The following XAF1 variants were observed in gnomAD, a reference collection of about 807,000 sequenced individuals.
XAF1 encodes the protein XIAP associated factor 1, also known as XIAP-associated factor 1.
A neutral mutation model predicts 32.3 loss-of-function variants in XAF1; 32 were observed. That is an observed-to-expected ratio of 0.99 (90% CI 0.75 to 1.33). The LOEUF is 1.33. Among genes scored for constraint, XAF1 ranks in the 40% most tolerant of loss-of-function variants. The probability of loss-of-function intolerance (pLI) is 0.00; values close to 1 mark genes in which losing one functional copy is unlikely to be tolerated. For missense variants in XAF1, 379 were observed against 366.0 expected, an observed-to-expected ratio of 1.04 and a Z score of -0.29; for synonymous variants, 120 against 125.9, an observed-to-expected ratio of 0.95 and a Z score of 0.31.
Position 6,770,727 on chromosome 17 carries a change from G to C in XAF1, c.592G>C (p.Ala198Pro). Residue 198 changes from alanine to proline, a missense_variant, in exon 6 of 7, where the codon GCT (alanine) becomes CCT (proline). By Grantham distance (27) the Ala-to-Pro change is conservative (BLOSUM62 -1). Transcript: ENST00000361842. ...EILPSSLPSQ[A>P]AENQTSTMEK... is the part of the protein sequence containing the mutation. Reference sequence around the variant, plus strand: ...TCTTCCTTCATCTCTTCCAAGTCAAGCTGCTGAAAATCAAACTTCCACGAT... The same window carrying C: ...TCTTCCTTCATCTCTTCCAAGTCAACCTGCTGAAAATCAAACTTCCACGAT... 1.2e-6 allele frequency: 2 copies of C among 1,613,872 alleles called. No individual in the cohort carries two copies. The highest frequency in any genetic ancestry group is 8.5e-7 in the Non-Finnish European group (1 of 1,179,980).
intron 4 of XAF1, 114 bp from the exon 5 acceptor site, chr17:6,762,041 G>A (rs1001900476): frequency 1.3e-6 from 2 of 1,566,596 alleles, no homozygotes; most frequent in Non-Finnish European, 1.7e-6. Context: ...AGACCAGGCA[G>A]GTCCGGGGGG....
chr17:6,756,799 C>T (rs551505068), intron 1 of XAF1, among the ~76,000 whole-genome samples: 2 of 152,138 alleles, frequency 1.3e-5, no homozygotes, highest in African/African-American at 2.4e-5. Context: ...CCTGTGTGCC[C>T]GCTGCCTGGG....
intron 5 of XAF1, among the ~76,000 whole-genome samples, chr17:6,768,347 T>C (rs369700376): frequency 2.6e-5 from 4 of 152,286 alleles, no homozygotes; most frequent in South Asian, 2.1e-4. Flanking sequence ...GGTCTTGAAC[T>C]CCTGACCTCA....
chr17:6,765,846 TG>T (rs1975583918), intron 5 of XAF1, among the ~76,000 whole-genome samples: 1 of 152,216 alleles, frequency 6.6e-6, no homozygotes, highest in Non-Finnish European at 1.5e-5. Flanking sequence ...CAAGTCAGAT[TG>T]TTTGGCTCCT....
In XAF1 at chr17:6,773,543, A is replaced by C. The variant is rs1976214661; in HGVS notation, c.*374A>C. Reference sequence around the variant, plus strand: ...CAGTCCTATTCAACATAGTACTGGAAGTCCTCGCCACAGCAATCAGGCAAG... The same window carrying C: ...CAGTCCTATTCAACATAGTACTGGACGTCCTCGCCACAGCAATCAGGCAAG... On this transcript the variant is annotated 3_prime_UTR_variant, in exon 7 of 7. Coordinates refer to ENST00000361842, the MANE Select transcript of XAF1 (RefSeq NM_017523.5). 1 of 163,902 alleles carries C rather than the reference A, an allele frequency of 6.1e-6. No individual in the cohort carries two copies. The highest frequency in any genetic ancestry group is 1.3e-5 in the Non-Finnish European group (1 of 76,062). 10.2% of individuals were successfully genotyped at this position (163,902 alleles called of 1,614,324 possible). A position where few individuals can be genotyped will look rare whatever the true frequency, so the allele number is the denominator to read the frequency against.
chr17:6,769,684 T>C (rs1975877399), intron 5 of XAF1, among the ~76,000 whole-genome samples: 1 of 152,184 alleles, frequency 6.6e-6, no homozygotes. Context: ...CTATGACCTA[T>C]TTTGAGGCTG....
chr17:6,757,042 G>T (rs1424351329), intron 1 of XAF1, among the ~76,000 whole-genome samples: 1 of 150,892 alleles, frequency 6.6e-6, no homozygotes, highest in Non-Finnish European at 1.5e-5. Flanking sequence ...GCCCAGGCTG[G>T]AGTGCCTGGA....
intron 5 of XAF1, among the ~76,000 whole-genome samples, chr17:6,769,308 A>G (rs1415230667): frequency 1.3e-5 from 2 of 152,142 alleles, no homozygotes; most frequent in African/African-American, 2.4e-5. Flanking sequence ...CAAAAAAAAG[A>G]TAGGTATGTG....
Position 6,774,016 on chromosome 17 carries a change from A to T in XAF1, c.*847A>T, listed in dbSNP as rs989598312. On this transcript the variant is annotated 3_prime_UTR_variant, in exon 7 of 7. Coordinates refer to ENST00000361842, the MANE Select transcript of XAF1 (RefSeq NM_017523.5). ...CAATGCTATTCCTATCAAACTACCA[A>T]TAACATTCTTCACAGAATCAGAAAA... The T allele has an allele frequency of 6.6e-6, 1 of 152,184 alleles. No homozygotes were observed. Among genetic ancestry groups the T allele is most frequent in the African/African-American group, 2.4e-5 (1 of 41,434 alleles). The allele number at this position is 152,184 out of a possible 1,614,324, so 9.4% of individuals were successfully genotyped here. A position where few individuals can be genotyped will look rare whatever the true frequency, so the allele number is the denominator to read the frequency against.
At position 6,770,813 on chromosome 17, in the gene XAF1, T is replaced by G. The variant is rs754063854; in HGVS notation, c.678T>G (p.Ser226Arg). 48 of 1,613,578 alleles carry G rather than the reference T, an allele frequency of 3.0e-5. 1 individual carries two copies. In the South Asian group the frequency reaches 4.9e-4, roughly 17 times the overall value. The change falls in exon 6 of 7, where the codon AGT (serine) becomes AGG (arginine). Residue 226 changes from serine to arginine, a missense_variant. Ser to Arg is a moderately radical substitution (Grantham distance 110). Coordinates refer to ENST00000361842, the MANE Select transcript of XAF1 (RefSeq NM_017523.5). ...ACAGATTTCCTCTTCATTCTGAAAG[T>G]TCATCAAAGAAAGCACCAAGAAGCA... Reference protein sequence around the residue: ...SINRFPLHSESSSKKAPRSKN... With the variant: ...SINRFPLHSERSSKKAPRSKN...
chr17:6,757,632 A>G (rs1305752445), intron 1 of XAF1, among the ~76,000 whole-genome samples: 4 of 152,230 alleles, frequency 2.6e-5, no homozygotes, highest in African/African-American at 9.6e-5. Context: ...TAATTTAATT[A>G]TTTACATTAT....
intron 2 of XAF1, 169 bp downstream of exon 2, chr17:6,758,393 G>A (rs1247638202): frequency 2.0e-6 from 2 of 1,017,632 alleles, no homozygotes; most frequent in Non-Finnish European, 2.8e-6. Context: ...CAGGAGAGAT[G>A]GGGTCTGAGA....
At position 6,775,460 on chromosome 17, in the gene XAF1, T is replaced by C. The variant is rs1200908698; in HGVS notation, c.*2291T>C. On this transcript the variant is annotated 3_prime_UTR_variant, in exon 7 of 7. Coordinates refer to ENST00000361842, the MANE Select transcript of XAF1 (RefSeq NM_017523.5). ...TAAAAGAAAAACGTTTGGATTATTT[T>C]CCCTCTTTCGAACAAAGACATTGGT... 6.6e-6 allele frequency: 1 copy of C among 152,192 alleles called. No individual in the cohort carries two copies. Among genetic ancestry groups the C allele is most frequent in the Non-Finnish European group, 1.5e-5 (1 of 68,028 alleles). 9.4% of individuals were successfully genotyped at this position (152,192 alleles called of 1,614,324 possible).
intron 2 of XAF1, chr17:6,759,001 G>A: frequency 2.7e-6 from 1 of 369,518 alleles, no homozygotes. Flanking sequence ...CATCCTCCCT[G>A]CAAGAAAGAA....
Position 6,762,245 on chromosome 17 carries a change from G to A in XAF1, c.507+5G>A. The A allele has an allele frequency of 6.3e-7, 1 of 1,595,524 alleles. No individual in the cohort carries two copies. The highest frequency in any genetic ancestry group is 8.5e-7 in the Non-Finnish European group (1 of 1,170,768). ...AATAAGTATTTCCACCATATGGTGA[G>A]TAGCACTTAGTAATTTTCTAATGGT... On this transcript the variant is annotated splice_donor_5th_base_variant and intron_variant, in intron 5 of 6. Transcript: ENST00000361842.
rs1485188520 is a variant in XAF1, at chr17:6,773,497, G to A, written c.*328G>A. On this transcript the variant is annotated 3_prime_UTR_variant, in exon 7 of 7. Coordinates refer to ENST00000361842, the MANE Select transcript of XAF1 (RefSeq NM_017523.5). The stretch of plus-strand genomic sequence containing the variant: ...GAGCAAAAGCTGGAGCATTACTCTT[G>A]AGAAGTAGAACAAGGCACTTCAGTC... The A allele has an allele frequency of 1.6e-5, 4 of 255,830 alleles. No individual in the cohort carries two copies. The highest frequency in any genetic ancestry group is 9.2e-5 in the African/African-American group (4 of 43,292). The allele number at this position is 255,830 out of a possible 1,614,324, so 15.8% of individuals were successfully genotyped here.
intron 5 of XAF1, among the ~76,000 whole-genome samples, chr17:6,764,116 G>A (rs1975418043): frequency 6.6e-6 from 1 of 152,160 alleles, no homozygotes; most frequent in Non-Finnish European, 1.5e-5. Context: ...TTTTAGTTCT[G>A]CTGTGCCCCT....
rs1350907825 is a variant in XAF1, at chr17:6,760,570, C to T, written c.390C>T (p.Val130=). ...GCATGCTCGCCCAGCACAGAGATGT[C>T]TGTCGCAGTGAACAGGCCCAGCTCG... is the stretch of plus-strand genomic sequence containing the variant. ...MHRMLAQHRD[V]CRSEQAQLGK... Residue 130 remains valine, a synonymous_variant, in exon 4 of 7, where the codon GTC becomes GTT. Transcript: ENST00000361842. 1.2e-6 allele frequency: 2 copies of T among 1,612,630 alleles called. No homozygotes were observed. Among genetic ancestry groups the T allele is most frequent in the South Asian group, 1.1e-5 (1 of 91,006 alleles).
rs941990149 is a variant in XAF1, at chr17:6,758,140, G to A, written c.84G>A (p.Leu28=). The change falls in exon 2 of 7, where the codon CTG becomes CTA. Residue 28 remains leucine (L), a synonymous_variant. Transcript: ENST00000361842. ...TCACCCTCCATGAGGCTTACTGCCT[G>A]CGGTTCCTGGTCCTGTGTCCGGAGT... The part of the protein sequence containing the change: ...ANFTLHEAYC[L]RFLVLCPECE... The A allele has an allele frequency of 1.2e-6, 2 of 1,614,102 alleles. No homozygotes were observed. Among genetic ancestry groups the A allele is most frequent in the Non-Finnish European group, 1.7e-6 (2 of 1,180,052 alleles).
Sources: gnomAD v4.1 joint callset for allele counts (sites outside exome capture counted in the v4.1 genomes callset) on GRCh38, gnomAD v4.1.1 for gene constraint, MANE v1.5 for transcripts, NCBI Gene and HGNC (gene_info 2026-07-23, HGNC 2026-07-21) for gene names.